The following ITIH5 variants were observed in gnomAD, a reference collection of about 807,000 sequenced individuals.
ITIH5 encodes the protein inter-alpha-trypsin inhibitor heavy chain H5.
Under a neutral mutation model 77.5 loss-of-function variants are expected in ITIH5, and 65 were observed. The ratio of observed to expected loss-of-function variants is 0.84; its 90% CI spans 0.69 to 1.03. The LOEUF is 1.03. Among genes scored for constraint, ITIH5 ranks in the 50% least tolerant of loss-of-function variants. The pLI is 0.00. For missense variants in ITIH5, 1,208 were observed against 1,213.1 expected (o/e 1.00, Z 0.06); for synonymous variants, 525 against 494.3 (o/e 1.06, Z -0.82).
intron 5 of ITIH5, among the ~76,000 whole-genome samples, chr10:7,623,908 A>G (rs1833515958): frequency 6.6e-6 from 1 of 152,140 alleles, no homozygotes; most frequent in South Asian, 2.1e-4. Context: ...GGTATTTTAA[A>G]TCCTTTTGGA....
intron 7 of ITIH5, among the ~76,000 whole-genome samples, chr10:7,599,619 T>C (rs896795997): frequency 6.6e-6 from 1 of 152,160 alleles, no homozygotes; most frequent in Non-Finnish European, 1.5e-5. Context: ...TCACGATTCC[T>C]CTCTCCCTGG....
intron 5 of ITIH5, chr10:7,618,807 G>C (rs1192255965): frequency 6.6e-6 from 1 of 152,172 alleles, no homozygotes; most frequent in East Asian, 1.9e-4. Context: ...CTTCTGCTGA[G>C]GGTTTATTAG....
intron 8 of ITIH5, 149 bp from the exon 9 acceptor site, chr10:7,580,213 C>G: frequency 1.6e-6 from 1 of 644,866 alleles, no homozygotes; most frequent in Non-Finnish European, 2.7e-6. Flanking sequence ...CTCCGCCTCC[C>G]AGGTTCAAGC....
intron 10 of ITIH5, among the ~76,000 whole-genome samples, chr10:7,574,146 TGAATA>T: frequency 6.6e-6 from 1 of 152,354 alleles, no homozygotes; most frequent in South Asian, 2.1e-4. Flanking sequence ...ACTGGTGCTT[TGAATA>T]AATATTCAAT....
chr10:7,566,018 G>A lies in ITIH5; in HGVS notation c.2527+12C>T, dbSNP rs780708503. On this transcript the variant is annotated intron_variant, in intron 13 of 13. Coordinates refer to ENST00000397146, the MANE Select transcript of ITIH5 (RefSeq NM_030569.7). ...CCTCTATGCCCAGCGTGAGGAGAGC[G>A]CAGCTTCCTACCCAGCAGTCCGTGG... 1.3e-5 allele frequency: 21 copies of A among 1,610,500 alleles called. No individual in the cohort carries two copies. The highest frequency in any genetic ancestry group is 3.3e-5 in the Admixed American group (2 of 59,912).
intron 7 of ITIH5, among the ~76,000 whole-genome samples, chr10:7,595,096 G>A (rs1255787565): frequency 6.6e-6 from 1 of 152,206 alleles, no homozygotes; most frequent in Non-Finnish European, 1.5e-5. Context: ...AGCAATGGCT[G>A]TGGTCCCAGC....
chr10:7,579,972 T>C lies in ITIH5; in HGVS notation c.1201A>G (p.Ile401Val). The C allele has an allele frequency of 1.2e-6, 2 of 1,614,138 alleles. No individual in the cohort carries two copies. Among genetic ancestry groups the C allele is most frequent in the Non-Finnish European group, 1.7e-6 (2 of 1,180,028 alleles). Reference sequence around the variant, plus strand: ...GGCTTCCCATCCGTCAGGAAGACGATGAGGGACACGCTCCGGTCTCCAATG... The same window carrying C: ...GGCTTCCCATCCGTCAGGAAGACGACGAGGGACACGCTCCGGTCTCCAATG... The part of the protein sequence containing the change: ...SGIGDRSVSL[I>V]VFLTDGKPTV... Residue 401 changes from isoleucine (I) to valine (V), a missense_variant, in exon 9 of 14, where the codon ATC (isoleucine) becomes GTC (valine). Ile to Val is a conservative substitution (Grantham distance 29). Coordinates refer to ENST00000397146, the MANE Select transcript of ITIH5 (RefSeq NM_030569.7).
Position 7,559,626 on chromosome 10 carries a change from G to A in ITIH5, c.*3457C>T. 3.5e-6 allele frequency: 1 copy of A among 286,962 alleles called. No homozygotes were observed. The highest frequency in any genetic ancestry group is 3.5e-5 in the South Asian group (1 of 28,532). 17.8% of individuals were successfully genotyped at this position (286,962 alleles called of 1,614,324 possible). A position where few individuals can be genotyped will look rare whatever the true frequency, so the allele number is the denominator to read the frequency against. On this transcript the variant is annotated 3_prime_UTR_variant, in exon 14 of 14. Coordinates refer to ENST00000397146, the MANE Select transcript of ITIH5 (RefSeq NM_030569.7). ...GAATTAACGTTTTGAATGATTTGGT[G>A]TCTTAGTCAGCTTGGGCTGCCTTAA...
At chr10:7,603,825 C>T (rs564525323) in intron 7 of ITIH5, among the ~76,000 whole-genome samples, 30 of 152,188 alleles carry the variant, frequency 2.0e-4, no homozygotes, top group East Asian at 7.7e-4. Flanking sequence ...CCTTGTGATC[C>T]GCCCTCCTCG....
Position 7,655,695 on chromosome 10 carries a change from G to C in ITIH5, c.91-20C>G, listed in dbSNP as rs533023518. 1 of 1,594,736 alleles carries C rather than the reference G, an allele frequency of 6.3e-7. No homozygotes were observed. The highest frequency in any genetic ancestry group is 1.7e-5 in the Admixed American group (1 of 59,930). ...TCCATCCTAGAAAAGAGAAGAGACT[G>C]TTAAAAAGGTGATTTTTAAAAGAGA... On this transcript the variant is annotated intron_variant, in intron 1 of 13. Coordinates refer to ENST00000397146, the MANE Select transcript of ITIH5 (RefSeq NM_030569.7).
At chr10:7,598,763 C>T (rs577903102) in intron 7 of ITIH5, among the ~76,000 whole-genome samples, 1 of 152,136 alleles carries the variant, frequency 6.6e-6, no homozygotes, top group Non-Finnish European at 1.5e-5. Context: ...TTTCTAAATA[C>T]CAATACCACT....
intron 1 of ITIH5, among the ~76,000 whole-genome samples, chr10:7,659,376 T>C (rs7916499): frequency 0.72 from 108,600 of 151,556 alleles, 39,681 homozygotes; most frequent in African/African-American, 0.87. Flanking sequence ...GAGAGTCCAT[T>C]TCAAAAAAAA....
At position 7,576,714 on chromosome 10, in the gene ITIH5, T is replaced by C; in HGVS notation, c.1717A>G (p.Ile573Val). 6.2e-7 allele frequency: 1 copy of C among 1,614,056 alleles called. No homozygotes were observed. The highest frequency in any genetic ancestry group is 8.5e-7 in the Non-Finnish European group (1 of 1,179,992). Residue 573 changes from isoleucine (I) to valine (V), a missense_variant, in exon 10 of 14, where the codon ATC (isoleucine) becomes GTC (valine). Ile to Val is a conservative substitution (Grantham distance 29, BLOSUM62 3). Coordinates refer to ENST00000397146, the MANE Select transcript of ITIH5 (RefSeq NM_030569.7). ...GGDGEGDTNH[I>V]ERLWSYLTTK... is the part of the protein sequence containing the mutation. ...GTGAGGTAGCTCCAGAGACGCTCGA[T>C]GTGGTTGGTGTCCCCCTCTCCATCG...
chr10:7,603,066 G>A (rs908103737), intron 7 of ITIH5, among the ~76,000 whole-genome samples: 8 of 152,102 alleles, frequency 5.3e-5, no homozygotes, highest in African/African-American at 1.2e-4. Flanking sequence ...TCCTACACCT[G>A]AGCATCACGT....
chr10:7,569,645 C>T, intron 12 of ITIH5, 23 bp downstream of exon 12: 1 of 1,499,680 alleles, frequency 6.7e-7, no homozygotes, highest in Admixed American at 1.9e-5. Context: ...TGCCCAGATG[C>T]TGCAGCGGAA....
chr10:7,613,700 T>C (rs1833304245), intron 7 of ITIH5, among the ~76,000 whole-genome samples: 1 of 152,018 alleles, frequency 6.6e-6, no homozygotes, highest in Admixed American at 6.6e-5. Flanking sequence ...AAGATGCAAA[T>C]TTTAAGAGGT....
chr10:7,588,285 G>A (rs1040675792), intron 7 of ITIH5, among the ~76,000 whole-genome samples: 7 of 152,166 alleles, frequency 4.6e-5, no homozygotes, highest in African/African-American at 7.2e-5. Context: ...TTGGGAGGCC[G>A]AGGTGGGTAG....
chr10:7,609,812 G>A (rs969420143), intron 7 of ITIH5, among the ~76,000 whole-genome samples: 1 of 152,108 alleles, frequency 6.6e-6, no homozygotes, highest in African/African-American at 2.4e-5. Context: ...ATTCGTCACT[G>A]CTTGGTTGCC....
intron 7 of ITIH5, among the ~76,000 whole-genome samples, chr10:7,614,136 GAC>G (rs1033005484): frequency 4.6e-5 from 7 of 152,134 alleles, no homozygotes; most frequent in African/African-American, 1.7e-4. Context: ...TTCAGACAAA[GAC>G]AGAGAATTAT....
Sources: allele counts gnomAD v4.1 joint callset (sites outside exome capture counted in the v4.1 genomes callset), GRCh38; gene constraint gnomAD v4.1.1; transcripts MANE v1.5; gene names NCBI Gene and HGNC (gene_info 2026-07-23, HGNC 2026-07-21).